Variants in SAMM50 observed in about 807,000 individuals in gnomAD.
SAMM50 encodes the protein sorting and assembly machinery component 50 homolog.
Under a neutral mutation model 66.9 loss-of-function variants are expected in SAMM50, and 47 were observed. That is an observed-to-expected ratio of 0.70 (90% CI 0.56 to 0.90). SAMM50 has a LOEUF of 0.90. Ranked by LOEUF, SAMM50 falls within the 40% of genes least tolerant of loss-of-function variation. The probability of loss-of-function intolerance (pLI) is 0.00; values close to 1 mark genes in which losing one functional copy is unlikely to be tolerated. For missense variants in SAMM50, 535 were observed against 595.3 expected, an observed-to-expected ratio of 0.90 and a Z score of 1.05; for synonymous variants, 191 against 214.1, an observed-to-expected ratio of 0.89 and a Z score of 0.94.
At chr22:43,996,000 T>G (rs2050351508) in intron 14 of SAMM50, among the ~76,000 whole-genome samples, 1 of 152,158 alleles carries the variant, frequency 6.6e-6, no homozygotes, top group Non-Finnish European at 1.5e-5. Context: ...TCCTTCCGGC[T>G]CCTTCCCTCC....
intron 4 of SAMM50, among the ~76,000 whole-genome samples, chr22:43,970,678 A>G (rs1416920335): frequency 6.6e-6 from 1 of 151,828 alleles, no homozygotes. Context: ...GGGTAAGGAG[A>G]GGTTCATGGA....
At chr22:43,967,789 T>G (rs2050181162) in intron 3 of SAMM50, among the ~76,000 whole-genome samples, 2 of 152,236 alleles carry the variant, frequency 1.3e-5, no homozygotes, top group African/African-American at 4.8e-5. Flanking sequence ...GGGCCTTTCC[T>G]TCTCTGTGTC....
intron 9 of SAMM50, 48 bp from the exon 10 acceptor site, chr22:43,977,824 G>T (rs765873951): frequency 7.8e-7 from 1 of 1,280,242 alleles, no homozygotes; most frequent in South Asian, 1.2e-5. Context: ...TGTAGCCCCT[G>T]TAATAAGTCT....
intron 1 of SAMM50, chr22:43,957,065 C>T: frequency 9.8e-7 from 1 of 1,020,386 alleles, no homozygotes; most frequent in Non-Finnish European, 1.5e-6. Context: ...TTTTTGCTGG[C>T]TATAAGTGGA....
At chr22:43,980,761 C>T (rs1362360108) in intron 10 of SAMM50, among the ~76,000 whole-genome samples, 3 of 152,196 alleles carry the variant, frequency 2.0e-5, no homozygotes, top group Non-Finnish European at 2.9e-5. Flanking sequence ...GTGTGAGGCT[C>T]GGCCAGCCGC....
chr22:43,957,290 T>A, intron 1 of SAMM50: 1 of 658,978 alleles, frequency 1.5e-6, no homozygotes, highest in Non-Finnish European at 2.8e-6. Flanking sequence ...TGAAGCAATC[T>A]TCCTGCTAAG....
rs557381360 is a variant in SAMM50 at position 43,955,475 on chromosome 22, C to G, written c.-103C>G. ...GCGTCCGGGGGTTTGTGGGAGTTGCCTTGACCTGCAGCTCCGCCACCGCGG... is the reference window on the plus strand; with the variant it reads ...GCGTCCGGGGGTTTGTGGGAGTTGCGTTGACCTGCAGCTCCGCCACCGCGG... On this transcript the variant is annotated 5_prime_UTR_variant, in exon 1 of 15. Coordinates refer to ENST00000350028, the MANE Select transcript of SAMM50 (RefSeq NM_015380.5). The G allele has an allele frequency of 7.2e-7, 1 of 1,387,902 alleles. No individual in the cohort carries two copies. The highest frequency in any genetic ancestry group is 1.2e-5 in the South Asian group (1 of 80,922). 86.0% of individuals were successfully genotyped at this position (1,387,902 alleles called of 1,614,324 possible).
chr22:43,981,899 T>C (rs762188712), intron 11 of SAMM50, among the ~76,000 whole-genome samples: 1 of 152,256 alleles, frequency 6.6e-6, no homozygotes, highest in Admixed American at 6.5e-5. Context: ...AATTTGTGAT[T>C]TTTGTAAATA....
intron 14 of SAMM50, among the ~76,000 whole-genome samples, chr22:43,993,066 C>T (rs977747877): frequency 6.6e-6 from 1 of 152,244 alleles, no homozygotes; most frequent in Non-Finnish European, 1.5e-5. Context: ...GAGTGTTGGG[C>T]TCCCTGGCCT....
chr22:43,960,101 C>T (rs1287933305), intron 1 of SAMM50, among the ~76,000 whole-genome samples: 1 of 152,038 alleles, frequency 6.6e-6, no homozygotes, highest in Non-Finnish European at 1.5e-5. Flanking sequence ...GGATATAAAC[C>T]TTTGCCTAGA....
At chr22:43,957,160 C>A in intron 1 of SAMM50, 2 of 758,916 alleles carry the variant, frequency 2.6e-6, no homozygotes, top group South Asian at 2.8e-5. Flanking sequence ...TATTTGGGCT[C>A]ATGTATACAA....
At chr22:43,994,750 C>T (rs2050344020) in intron 14 of SAMM50, among the ~76,000 whole-genome samples, 1 of 152,158 alleles carries the variant, frequency 6.6e-6, no homozygotes, top group South Asian at 2.1e-4. Context: ...GGCTGGCTTG[C>T]CCCTGGTCTG....
chr22:43,965,777 T>G (rs1159159927), intron 3 of SAMM50, among the ~76,000 whole-genome samples: 1 of 152,178 alleles, frequency 6.6e-6, no homozygotes, highest in African/African-American at 2.4e-5. Flanking sequence ...TTCACATCAG[T>G]ACATACCAGT....
At chr22:43,984,059 C>A in intron 12 of SAMM50, 59 bp downstream of exon 12, 1 of 1,450,264 alleles carries the variant, frequency 6.9e-7, no homozygotes, top group South Asian at 1.2e-5. Flanking sequence ...CTTTGGAAAC[C>A]ATGTACCTGT....
chr22:43,972,435 A>C, intron 5 of SAMM50, 93 bp downstream of exon 5: 1 of 679,110 alleles, frequency 1.5e-6, no homozygotes, highest in Non-Finnish European at 2.4e-6. Flanking sequence ...GATAGTTTCA[A>C]AATTCGGTCA....
intron 9 of SAMM50, 77 bp downstream of exon 9, chr22:43,976,898 T>TGGGTGGGGG: frequency 1.8e-6 from 1 of 547,708 alleles, no homozygotes; most frequent in Non-Finnish European, 3.4e-6. Flanking sequence ...CCCGGTGGGC[T>TGGGTGGGGG]GGGTGGGCCT....
intron 6 of SAMM50, 86 bp downstream of exon 6, chr22:43,973,087 A>G: frequency 1.3e-6 from 2 of 1,510,888 alleles, no homozygotes; most frequent in Non-Finnish European, 1.8e-6. Context: ...ACCATGACAG[A>G]ATCAGCTGCC....
At chr22:43,986,932 G>A (rs760171940) in intron 12 of SAMM50, 1 of 152,094 alleles carries the variant, frequency 6.6e-6, no homozygotes, top group Non-Finnish European at 1.5e-5. Context: ...ATAAATTTTT[G>A]TCGAAAGTAT....
chr22:43,967,349 G>A (rs2050178647), intron 3 of SAMM50, among the ~76,000 whole-genome samples: 1 of 152,198 alleles, frequency 6.6e-6, no homozygotes, highest in Non-Finnish European at 1.5e-5. Flanking sequence ...TTTTCCATCT[G>A]TCTGCTCTGC....
Sources: allele counts gnomAD v4.1 joint callset (sites outside exome capture counted in the v4.1 genomes callset), GRCh38; gene constraint gnomAD v4.1.1; transcripts MANE v1.5; gene names NCBI Gene and HGNC (gene_info 2026-07-23, HGNC 2026-07-21).